The following SLC25A16 variants were observed in gnomAD, a reference collection of about 807,000 sequenced individuals.
SLC25A16 encodes the protein solute carrier family 25 member 16.
In SLC25A16, 39 loss-of-function variants were observed where a neutral mutation model predicts 41.5. The observed-to-expected ratio is 0.94, with a 90% CI of 0.73 to 1.23. The LOEUF is 1.23. SLC25A16 is among the 50% of genes most tolerant of loss of function. The probability of loss-of-function intolerance (pLI) is 0.00; values close to 1 mark genes in which losing one functional copy is unlikely to be tolerated. For missense variants in SLC25A16, 421 were observed against 426.9 expected, an observed-to-expected ratio of 0.99 and a Z score of 0.12; for synonymous variants, 146 against 147.8, an observed-to-expected ratio of 0.99 and a Z score of 0.09.
At chr10:68,505,629 A>C (rs2052938474) in intron 3 of SLC25A16, among the ~76,000 whole-genome samples, 1 of 151,914 alleles carries the variant, frequency 6.6e-6, no homozygotes, top group African/African-American at 2.4e-5. Flanking sequence ...AAAATTAGCC[A>C]GGAATGGTGG....
At chr10:68,517,516 A>T (rs140661005) in intron 1 of SLC25A16, 1 of 152,148 alleles carries the variant, frequency 6.6e-6, no homozygotes, top group African/African-American at 2.4e-5. Flanking sequence ...ACTTGAAAAA[A>T]TGGGTTGCTC....
At chr10:68,510,701 A>G (rs1480086691) in intron 2 of SLC25A16, among the ~76,000 whole-genome samples, 1 of 150,512 alleles carries the variant, frequency 6.6e-6, no homozygotes, top group African/African-American at 2.5e-5. Context: ...AGCCAGGCGT[A>G]GTGGCATGTA....
intron 4 of SLC25A16, among the ~76,000 whole-genome samples, chr10:68,500,408 A>T (rs2052821427): frequency 1.3e-5 from 2 of 152,072 alleles, no homozygotes; most frequent in African/African-American, 2.4e-5. Flanking sequence ...CCCAGGTTCA[A>T]GCGATTCTCC....
At chr10:68,496,617 T>TA (rs2052753463) in intron 4 of SLC25A16, 1 of 983,328 alleles carries the variant, frequency 1.0e-6, no homozygotes, top group South Asian at 4.7e-5. Context: ...ACTAAGGACA[T>TA]AAAGATAAAT....
At chr10:68,486,132 C>T (rs1471086656) in intron 8 of SLC25A16, among the ~76,000 whole-genome samples, 9 of 149,220 alleles carry the variant, frequency 6.0e-5, no homozygotes, top group Admixed American at 3.3e-4. Context: ...GCAGGAGAAT[C>T]GCTTGAACCC....
In SLC25A16 at chr10:68,478,981, C is replaced by A. The variant is rs2052456394; in HGVS notation, c.*4451G>T. The stretch of plus-strand genomic sequence containing the variant: ...CCATGTTGGCCAGGATGGTCTTGAT[C>A]TCCTGACCACGTGATCCGCCCACCT... On this transcript the variant is annotated 3_prime_UTR_variant, in exon 9 of 9. Coordinates refer to ENST00000609923, the MANE Select transcript of SLC25A16 (RefSeq NM_152707.4). The A allele has an allele frequency of 6.6e-6, 1 of 152,076 alleles. No individual in the cohort carries two copies. Among genetic ancestry groups the A allele is most frequent in the African/African-American group, 2.4e-5 (1 of 41,394 alleles). The allele number at this position is 152,076 out of a possible 1,614,324, so 9.4% of individuals were successfully genotyped here. A position where few individuals can be genotyped will look rare whatever the true frequency, so the allele number is the denominator to read the frequency against.
At chr10:68,517,404 ATGGG>A in intron 1 of SLC25A16, 1 of 237,416 alleles carries the variant, frequency 4.2e-6, no homozygotes, top group Non-Finnish European at 6.8e-6. Flanking sequence ...AAGTGCATAC[ATGGG>A]CTTTAGCATA....
chr10:68,486,414 G>T (rs1481713645), intron 8 of SLC25A16, among the ~76,000 whole-genome samples: 3 of 150,774 alleles, frequency 2.0e-5, no homozygotes, highest in East Asian at 4.0e-4. Flanking sequence ...TATTTTCTTT[G>T]TTTTTTTTAG....
intron 3 of SLC25A16, among the ~76,000 whole-genome samples, chr10:68,503,933 T>C (rs909219345): frequency 1.3e-5 from 2 of 152,060 alleles, no homozygotes; most frequent in Admixed American, 6.6e-5. Flanking sequence ...GCAAGCTAGC[T>C]TAGTATTGCT....
chr10:68,488,972 T>C (rs2052610660), intron 6 of SLC25A16, among the ~76,000 whole-genome samples: 1 of 151,962 alleles, frequency 6.6e-6, no homozygotes, highest in African/African-American at 2.4e-5. Context: ...AACTTAACAT[T>C]TAAAATAACA....
intron 3 of SLC25A16, among the ~76,000 whole-genome samples, chr10:68,505,147 T>A (rs1016590240): frequency 1.3e-5 from 2 of 151,992 alleles, no homozygotes; most frequent in East Asian, 1.9e-4. Flanking sequence ...AAATATTTTT[T>A]AAAAAATCAG....
At chr10:68,524,310 C>CAAAAAAAAA (rs565308290) in intron 1 of SLC25A16, among the ~76,000 whole-genome samples, 5 of 44,036 alleles carry the variant, frequency 1.1e-4, no homozygotes, top group African/African-American at 4.4e-4. Flanking sequence ...AACTCCATCT[C>CAAAAAAAAA]AAAAAAAAAA....
chr10:68,497,977 G>T (rs546248334), intron 4 of SLC25A16, among the ~76,000 whole-genome samples: 6 of 152,180 alleles, frequency 3.9e-5, no homozygotes, highest in Non-Finnish European at 7.4e-5. Flanking sequence ...CTGGGCTCAA[G>T]CAATCCTCCC....
intron 5 of SLC25A16, 21 bp from the exon 6 acceptor site, chr10:68,493,219 G>A (rs200076689): frequency 6.6e-7 from 1 of 1,510,570 alleles, no homozygotes; most frequent in Non-Finnish European, 9.1e-7. Context: ...AAGGAAAATT[G>A]CAAGTGAGAT....
At chr10:68,496,380 AG>A in intron 4 of SLC25A16, 1 of 556,608 alleles carries the variant, frequency 1.8e-6, no homozygotes, top group Non-Finnish European at 2.3e-6. Flanking sequence ...ACTTCTTTTA[AG>A]AAGGCCAAAA....
chr10:68,479,571 C>CGGT lies in SLC25A16; in HGVS notation c.*3860_*3861insACC, dbSNP rs545473757. 1 of 150,964 alleles carries CGGT rather than the reference C, an allele frequency of 6.6e-6. No homozygotes were observed. Among genetic ancestry groups the CGGT allele is most frequent in the African/African-American group, 2.5e-5 (1 of 40,464 alleles). 9.4% of individuals were successfully genotyped at this position (150,964 alleles called of 1,614,324 possible). A position where few individuals can be genotyped will look rare whatever the true frequency, so the allele number is the denominator to read the frequency against. ...CAGTAGTCCCAGCATTTTGGGAAGT[C>CGGT]GGGGGGGCAGATCACTTGAGGTCAG... is the stretch of plus-strand genomic sequence containing the variant. On this transcript the variant is annotated 3_prime_UTR_variant, in exon 9 of 9. Transcript: ENST00000609923.
At chr10:68,492,360 G>C (rs74143088) in intron 6 of SLC25A16, among the ~76,000 whole-genome samples, 290 of 152,200 alleles carry the variant, frequency 1.9e-3, no homozygotes, top group African/African-American at 6.7e-3. Flanking sequence ...CCCAATTCTA[G>C]AATTGCAAAA....
chr10:68,499,124 G>A (rs1479314909), intron 4 of SLC25A16, among the ~76,000 whole-genome samples: 1 of 151,430 alleles, frequency 6.6e-6, no homozygotes, highest in Non-Finnish European at 1.5e-5. Flanking sequence ...GAGGGTTGGG[G>A]GAGAGAGAGA....
Position 68,478,690 on chromosome 10 carries a change from TTA to T in SLC25A16, c.*4740_*4741del, listed in dbSNP as rs2052453737. 1 of 150,894 alleles carries T rather than the reference TTA, an allele frequency of 6.6e-6. No individual in the cohort carries two copies. The highest frequency in any genetic ancestry group is 2.1e-4 in the South Asian group (1 of 4,814). 9.3% of individuals were successfully genotyped at this position (150,894 alleles called of 1,614,324 possible). On this transcript the variant is annotated 3_prime_UTR_variant, in exon 9 of 9. Coordinates refer to ENST00000609923, the MANE Select transcript of SLC25A16 (RefSeq NM_152707.4). ...CACTTCACCCAGCCATAAAAACTAT[TTA>T]TAAGTTTTATTTTATATATATATAT...
Sources: allele counts gnomAD v4.1 joint callset (sites outside exome capture counted in the v4.1 genomes callset), GRCh38; gene constraint gnomAD v4.1.1; transcripts MANE v1.5; gene names NCBI Gene and HGNC (gene_info 2026-07-23, HGNC 2026-07-21).